The following DENND4A variants were observed in gnomAD, a reference collection of about 807,000 sequenced individuals.
The protein encoded by DENND4A is C-myc promoter-binding protein.
A neutral mutation model predicts 199.3 loss-of-function variants in DENND4A; 70 were observed. The observed-to-expected ratio is 0.35, with a 90% CI of 0.29 to 0.43. The LOEUF is 0.43. Among genes scored for constraint, DENND4A ranks in the 20% least tolerant of loss-of-function variants. DENND4A has a pLI of 1.00. For synonymous variants in DENND4A, 686 were observed against 766.9 expected (o/e 0.89, Z 1.74); for missense variants, 1,723 against 2,255.8 (o/e 0.76, Z 4.78).
chr15:65,668,807 T>TGA (rs1245539177), intron 27 of DENND4A, among the ~76,000 whole-genome samples: 2 of 149,256 alleles, frequency 1.3e-5, no homozygotes, highest in African/African-American at 5.0e-5. Flanking sequence ...GGCAACAGAG[T>TGA]GAGACTCTGT....
At chr15:65,709,278 G>A (rs2075157202) in intron 14 of DENND4A, among the ~76,000 whole-genome samples, 1 of 152,132 alleles carries the variant, frequency 6.6e-6, no homozygotes, top group Admixed American at 6.6e-5. Context: ...TTTTTTGTGA[G>A]TCACTTACTA....
intron 14 of DENND4A, among the ~76,000 whole-genome samples, 169 bp from the exon 15 acceptor site, chr15:65,706,393 C>G (rs1419728054): frequency 6.9e-6 from 1 of 145,400 alleles, no homozygotes; most frequent in Non-Finnish European, 1.5e-5. Context: ...GTGAAAATAG[C>G]AAAGTGCAAA....
intron 11 of DENND4A, among the ~76,000 whole-genome samples, chr15:65,725,066 A>C (rs563896501): frequency 5.9e-5 from 9 of 152,160 alleles, no homozygotes; most frequent in Non-Finnish European, 1.2e-4. Context: ...CTTTCCTTTG[A>C]TATCTTCCCT....
intron 23 of DENND4A, among the ~76,000 whole-genome samples, chr15:65,683,780 C>T (rs1422907644): frequency 6.6e-6 from 1 of 152,150 alleles, no homozygotes; most frequent in Non-Finnish European, 1.5e-5. Flanking sequence ...ATTAAGTCTA[C>T]AATTCAATAA....
chr15:65,710,070 G>A (rs927481167), intron 14 of DENND4A, among the ~76,000 whole-genome samples: 1 of 152,016 alleles, frequency 6.6e-6, no homozygotes, highest in Non-Finnish European at 1.5e-5. Context: ...ATAAACAACA[G>A]GTGGCCTACA....
At chr15:65,766,731 C>T (rs1567092538) in intron 1 of DENND4A, 2 of 152,170 alleles carry the variant, frequency 1.3e-5, no homozygotes, top group Non-Finnish European at 2.9e-5. Flanking sequence ...TCCATTAAAT[C>T]CCAATGAAAA....
At chr15:65,673,032 T>C (rs1419240003) in intron 24 of DENND4A, among the ~76,000 whole-genome samples, 1 of 152,076 alleles carries the variant, frequency 6.6e-6, no homozygotes, top group Non-Finnish European at 1.5e-5. Flanking sequence ...AGCTAATTTT[T>C]TGTAGTTTTA....
chr15:65,744,713 A>G (rs1454086092), intron 4 of DENND4A, among the ~76,000 whole-genome samples: 3 of 152,208 alleles, frequency 2.0e-5, no homozygotes, highest in Non-Finnish European at 2.9e-5. Context: ...AGAGACTCAT[A>G]AAGTATAAGC....
In DENND4A at chr15:65,723,267, C is replaced by T. The variant is rs548504790; in HGVS notation, c.1488-319G>A. ...TGTGGTGATCTTTACTCTTAATCTC[C>T]ATTTAAGTGTGCTTAGACACCTAAA... On this transcript the variant is annotated intron_variant, in intron 11 of 32. Coordinates refer to ENST00000443035, the MANE Select transcript of DENND4A (RefSeq NM_001320835.1). Among the ~76,000 whole-genome samples the T allele has an allele frequency of 2.6e-5, 4 of 152,148 alleles. No individual in the cohort carries two copies. The South Asian group carries it at 8.3e-4, about 32-fold the overall frequency.
chr15:65,786,195 T>C (rs913900533), intron 1 of DENND4A, among the ~76,000 whole-genome samples: 1 of 152,152 alleles, frequency 6.6e-6, no homozygotes, highest in Non-Finnish European at 1.5e-5. Flanking sequence ...TGCTCATCAA[T>C]AGAAGAAATG....
rs554457081 is a variant in DENND4A, at chr15:65,777,147, G to A, written c.-102+14863C>T. ...AGCACCACTGCACTCCAGCCTGGGC[G>A]ACAGAGTAAGACGCTGTCTCAAAAT... On this transcript the variant is annotated intron_variant, in intron 1 of 32. Transcript: ENST00000443035. Among the ~76,000 whole-genome samples, 9 of 152,144 alleles carry A rather than the reference G, an allele frequency of 5.9e-5. No homozygotes were observed. The East Asian group carries it at 1.2e-3, about 20-fold the overall frequency.
intron 1 of DENND4A, among the ~76,000 whole-genome samples, chr15:65,763,053 C>T (rs1162160983): frequency 6.6e-6 from 1 of 151,880 alleles, no homozygotes; most frequent in Admixed American, 6.6e-5. Context: ...TCATTTTAAA[C>T]ACTAGATGGA....
intron 1 of DENND4A, among the ~76,000 whole-genome samples, chr15:65,774,816 G>A (rs2077233890): frequency 7.5e-6 from 1 of 134,182 alleles, no homozygotes; most frequent in Non-Finnish European, 1.6e-5. Context: ...TATTATTTTT[G>A]CTTTTTTTAA....
At chr15:65,673,898 C>A (rs954917759) in intron 24 of DENND4A, among the ~76,000 whole-genome samples, 1 of 152,138 alleles carries the variant, frequency 6.6e-6, no homozygotes, top group African/African-American at 2.4e-5. Context: ...TCTAACTAAT[C>A]TACAGTATAG....
At chr15:65,697,457 T>C in intron 20 of DENND4A, 74 bp from the exon 21 acceptor site, 2 of 870,558 alleles carry the variant, frequency 2.3e-6, no homozygotes, top group Non-Finnish European at 1.8e-6. Context: ...AGGAGCAACA[T>C]ACTAGTGTTT....
At chr15:65,749,145 CT>C (rs1268551321) in intron 4 of DENND4A, among the ~76,000 whole-genome samples, 1 of 150,876 alleles carries the variant, frequency 6.6e-6, no homozygotes, top group Non-Finnish European at 1.5e-5. Flanking sequence ...TGGTTAAACC[CT>C]TCTGGATAAA....
In DENND4A at chr15:65,660,007, G is replaced by A. The variant is rs72741220; in HGVS notation, c.*1844C>T. 0.19 allele frequency: 62,582 copies of A among 337,862 alleles called. 6,491 individuals are homozygous for A. Among genetic ancestry groups the A allele is most frequent in the African/African-American group, 0.28 (13,204 of 47,352 alleles). 20.9% of individuals were successfully genotyped at this position (337,862 alleles called of 1,614,324 possible). A position where few individuals can be genotyped will look rare whatever the true frequency, so the allele number is the denominator to read the frequency against. ...CAACCACAAATAGAAGAGAACCCCA[G>A]ACGGTTCTCTTGGAGGGATGTTTAT... is the stretch of plus-strand genomic sequence containing the variant. On this transcript the variant is annotated 3_prime_UTR_variant, in exon 33 of 33. Transcript: ENST00000443035.
At chr15:65,685,433 A>G (rs1235482218) in intron 23 of DENND4A, among the ~76,000 whole-genome samples, 1 of 152,164 alleles carries the variant, frequency 6.6e-6, no homozygotes, top group Non-Finnish European at 1.5e-5. Context: ...CACAATTTTT[A>G]TAGTGTTAGC....
chr15:65,686,068 A>C (rs1353834759), intron 23 of DENND4A, among the ~76,000 whole-genome samples: 1 of 152,212 alleles, frequency 6.6e-6, no homozygotes, highest in Non-Finnish European at 1.5e-5. Flanking sequence ...ATCCTGCTAG[A>C]ATTTTGATAG....
Sources: allele counts gnomAD v4.1 joint callset (sites outside exome capture counted in the v4.1 genomes callset), GRCh38; gene constraint gnomAD v4.1.1; transcripts MANE v1.5; gene names NCBI Gene and HGNC (gene_info 2026-07-23, HGNC 2026-07-21).